Variants in NR3C2 observed in about 807,000 individuals in gnomAD.
NR3C2 encodes mineralocorticoid receptor.
In NR3C2, 15 loss-of-function variants were observed where a neutral mutation model predicts 86.4. The observed-to-expected ratio is 0.17, with a 90% CI of 0.12 to 0.27. The LOEUF is 0.27. Ranked by LOEUF, NR3C2 falls within the 10% of genes least tolerant of loss-of-function variation. NR3C2 has a pLI of 1.00. For synonymous variants in NR3C2, 458 were observed against 450.5 expected, an observed-to-expected ratio of 1.02 and a Z score of -0.21; for missense variants, 960 against 1,195.6, an observed-to-expected ratio of 0.80 and a Z score of 2.91.
Position 148,115,000 on chromosome 4 carries a change from T to C in NR3C2, c.2642-739A>G, listed in dbSNP as rs184760343. Among the ~76,000 whole-genome samples the C allele has an allele frequency of 1.4e-4, 22 of 152,278 alleles. No individual in the cohort carries two copies. In the East Asian group the frequency reaches 3.9e-3, roughly 27 times the overall value. On this transcript the variant is annotated intron_variant, in intron 7 of 8. Coordinates refer to ENST00000358102, the MANE Select transcript of NR3C2 (RefSeq NM_000901.5). ...AAAATATATTTTCCTATCTCTGAGGTATTGGCAAGTTAGGATTCACGTACA... is the reference window on the plus strand; with the variant it reads ...AAAATATATTTTCCTATCTCTGAGGCATTGGCAAGTTAGGATTCACGTACA...
chr4:148,365,756 C>CTTG (rs3045289), intron 2 of NR3C2, among the ~76,000 whole-genome samples: 135,766 of 151,986 alleles, frequency 0.89, 60,779 homozygotes, highest in East Asian at 1. Context: ...CACAGTTTTT[C>CTTG]TTATTAATTT....
intron 3 of NR3C2, among the ~76,000 whole-genome samples, chr4:148,256,269 G>C (rs1472739301): frequency 6.6e-6 from 1 of 152,112 alleles, no homozygotes; most frequent in African/African-American, 2.4e-5. Flanking sequence ...CAGCTCTCAG[G>C]ACAAAATAAC....
intron 1 of NR3C2, among the ~76,000 whole-genome samples, chr4:148,440,804 T>C (rs1750302072): frequency 6.6e-6 from 1 of 152,234 alleles, no homozygotes; most frequent in African/African-American, 2.4e-5. Flanking sequence ...TTCGGGAATA[T>C]TAACAAAGAT....
At chr4:148,283,815 C>T (rs1397252768) in intron 2 of NR3C2, among the ~76,000 whole-genome samples, 1 of 152,212 alleles carries the variant, frequency 6.6e-6, no homozygotes, top group African/African-American at 2.4e-5. Flanking sequence ...TATTTGATTT[C>T]ACCAGTTTCT....
intron 2 of NR3C2, among the ~76,000 whole-genome samples, chr4:148,327,834 C>T (rs976218283): frequency 1.2e-4 from 18 of 152,156 alleles, no homozygotes; most frequent in African/African-American, 3.1e-4. Context: ...TTATATCTGC[C>T]CTCTCACATA....
At chr4:148,356,101 A>T (rs923178798) in intron 2 of NR3C2, among the ~76,000 whole-genome samples, 2 of 152,240 alleles carry the variant, frequency 1.3e-5, no homozygotes, top group Non-Finnish European at 2.9e-5. Flanking sequence ...TAAACTTCAG[A>T]TCTACAGAAT....
chr4:148,178,163 C>A (rs1047849347), intron 4 of NR3C2, among the ~76,000 whole-genome samples: 6 of 146,686 alleles, frequency 4.1e-5, no homozygotes, highest in Admixed American at 1.3e-4. Context: ...CATGGTGAAA[C>A]CCTCATCTCT....
intron 2 of NR3C2, among the ~76,000 whole-genome samples, chr4:148,415,991 A>G (rs1354386150): frequency 6.6e-6 from 1 of 152,200 alleles, no homozygotes; most frequent in Non-Finnish European, 1.5e-5. Context: ...TAAAATATAC[A>G]CATACGTAAC....
chr4:148,158,164 T>C (rs1245440046), intron 4 of NR3C2, among the ~76,000 whole-genome samples: 2 of 152,210 alleles, frequency 1.3e-5, no homozygotes, highest in Non-Finnish European at 2.9e-5. Context: ...CCAGGAGTGC[T>C]GAGCCGGCAC....
intron 4 of NR3C2, among the ~76,000 whole-genome samples, chr4:148,169,360 C>G (rs4835491): frequency 0.77 from 116,981 of 151,926 alleles, 45,743 homozygotes; most frequent in African/African-American, 0.93. Flanking sequence ...GGGAGCTCCT[C>G]TCAAACAACT....
At chr4:148,395,709 T>C (rs1426157076) in intron 2 of NR3C2, among the ~76,000 whole-genome samples, 1 of 152,188 alleles carries the variant, frequency 6.6e-6, no homozygotes, top group African/African-American at 2.4e-5. Flanking sequence ...GTATGTTATG[T>C]TATGTTGAGC....
intron 2 of NR3C2, among the ~76,000 whole-genome samples, chr4:148,422,221 A>G (rs1429081033): frequency 1.3e-5 from 2 of 152,278 alleles, no homozygotes; most frequent in East Asian, 3.9e-4. Flanking sequence ...TTTCTACCAC[A>G]TATAGAAAGC....
intron 2 of NR3C2, among the ~76,000 whole-genome samples, chr4:148,305,952 A>C (rs1295395523): frequency 1.3e-5 from 2 of 152,230 alleles, no homozygotes; most frequent in African/African-American, 2.4e-5. Context: ...CCAGAGCTAG[A>C]AGGCCATGGA....
intron 8 of NR3C2, among the ~76,000 whole-genome samples, chr4:148,093,059 T>G (rs375557140): frequency 5.3e-5 from 8 of 152,210 alleles, no homozygotes; most frequent in African/African-American, 1.9e-4. Context: ...ATTTATGCAT[T>G]GACTTTTCAT....
At chr4:148,337,656 G>A (rs144565642) in intron 2 of NR3C2, among the ~76,000 whole-genome samples, 2,458 of 152,220 alleles carry the variant, frequency 0.016, 63 homozygotes, top group African/African-American at 0.056. Flanking sequence ...GGGTAAATAT[G>A]CAGGTTTGGC....
At chr4:148,206,789 C>G (rs1295479430) in intron 3 of NR3C2, among the ~76,000 whole-genome samples, 1 of 152,108 alleles carries the variant, frequency 6.6e-6, no homozygotes, top group Non-Finnish European at 1.5e-5. Context: ...GGGACTAGAT[C>G]ATAAGTGTGC....
At chr4:148,384,139 G>T (rs1472356722) in intron 2 of NR3C2, among the ~76,000 whole-genome samples, 5 of 151,542 alleles carry the variant, frequency 3.3e-5, no homozygotes, top group Non-Finnish European at 7.4e-5. Context: ...GTTCAAAATA[G>T]AATTTAAATG....
intron 4 of NR3C2, among the ~76,000 whole-genome samples, chr4:148,184,722 T>C (rs1735812786): frequency 6.6e-6 from 1 of 152,172 alleles, no homozygotes. Flanking sequence ...TTACAACCAA[T>C]GGCTGTACCC....
At chr4:148,225,785 T>C (rs943483083) in intron 3 of NR3C2, among the ~76,000 whole-genome samples, 2 of 152,090 alleles carry the variant, frequency 1.3e-5, no homozygotes, top group African/African-American at 4.8e-5. Flanking sequence ...CAAGGCAAGG[T>C]ACTTAACAGC....
Sources: allele counts gnomAD v4.1 joint callset (sites outside exome capture counted in the v4.1 genomes callset), GRCh38; gene constraint gnomAD v4.1.1; transcripts MANE v1.5; gene names NCBI Gene and HGNC (gene_info 2026-07-23, HGNC 2026-07-21).